Variants in PDE1C observed in about 807,000 individuals in gnomAD.
The protein encoded by PDE1C is phosphodiesterase 1C, also known as dual specificity calcium/calmodulin-dependent 3',5'-cyclic nucleotide phosphodiesterase 1C.
PDE1C carries 62 observed loss-of-function variants against 93.1 expected under a neutral mutation model. That is an observed-to-expected ratio of 0.67 (90% CI 0.54 to 0.82). PDE1C has a LOEUF of 0.82. Among genes scored for constraint, PDE1C ranks in the 40% least tolerant of loss-of-function variants. PDE1C has a pLI of 0.00. For missense variants in PDE1C, 742 were observed against 884.6 expected, an observed-to-expected ratio of 0.84 and a Z score of 2.04; for synonymous variants, 325 against 310.1, an observed-to-expected ratio of 1.05 and a Z score of -0.50.
the PDE1C span, among the ~76,000 whole-genome samples, chr7:31,618,928 C>A: frequency 6.6e-6 from 1 of 152,166 alleles, no homozygotes; most frequent in Non-Finnish European, 1.5e-5. Context: ...AATGGTTTAT[C>A]ATATGTGTCG....
At chr7:32,050,087 A>G (rs1334093411) in intron 2 of PDE1C, among the ~76,000 whole-genome samples, 1 of 152,182 alleles carries the variant, frequency 6.6e-6, no homozygotes, top group East Asian at 1.9e-4. Flanking sequence ...GTATCTAAAC[A>G]TATCTAAACA....
At chr7:32,266,290 A>G (rs930784387) in intron 1 of PDE1C, among the ~76,000 whole-genome samples, 1 of 151,870 alleles carries the variant, frequency 6.6e-6, no homozygotes, top group Non-Finnish European at 1.5e-5. Context: ...TCAAAAAAAA[A>G]AGAAAAGAAA....
chr7:32,254,090 AG>A lies in PDE1C; in HGVS notation c.86-44552del, dbSNP rs560130931. Among the ~76,000 whole-genome samples, 404 of 152,324 alleles carry A rather than the reference AG, an allele frequency of 2.7e-3. 5 individuals carry two copies. The highest frequency in any genetic ancestry group is 8.9e-3 in the African/African-American group (372 of 41,576). ...CATGCACCACTGAAACAATGAAATG[AG>A]GCGATACGGGGCGTATCAGAGGATC... On this transcript the variant is annotated intron_variant, in intron 1 of 18. Transcript: ENST00000396193.
rs70989615 is a variant in PDE1C, at chr7:31,855,069, T to TAAAAA, written c.751-4333_751-4329dup. Reference sequence around the variant, plus strand: ...GTGACAGAGCGAGACTCCCTCTGTCTAAAAAAAAAAAAAAAAAAAAAACTT... The same window carrying TAAAAA: ...GTGACAGAGCGAGACTCCCTCTGTCTAAAAAAAAAAAAAAAAAAAAAAAAAAACTT... On this transcript the variant is annotated intron_variant, in intron 7 of 17. Coordinates refer to ENST00000396191, the MANE Select transcript of PDE1C (RefSeq NM_001191057.4). 4.7e-3 allele frequency among the ~76,000 whole-genome samples: 502 copies of TAAAAA among 107,016 alleles called. 8 individuals carry two copies. The highest frequency in any genetic ancestry group is 9.9e-3 in the Middle Eastern group (2 of 202). 70.2% of individuals were successfully genotyped at this position (107,016 alleles called of 152,430 possible). A position where few individuals can be genotyped will look rare whatever the true frequency, so the allele number is the denominator to read the frequency against.
chr7:32,217,686 G>A (rs1306329187), intron 1 of PDE1C, among the ~76,000 whole-genome samples: 1 of 152,182 alleles, frequency 6.6e-6, no homozygotes, highest in African/African-American at 2.4e-5. Flanking sequence ...ATGGGTAAAT[G>A]GGAAAACCCA....
At chr7:31,699,553 T>G in the PDE1C span, among the ~76,000 whole-genome samples, 1 of 152,202 alleles carries the variant, frequency 6.6e-6, no homozygotes, top group Non-Finnish European at 1.5e-5. Context: ...TGGTGATATT[T>G]CCATACTAGA....
intron 3 of PDE1C, among the ~76,000 whole-genome samples, chr7:32,110,916 G>C (rs1798603809): frequency 1.3e-5 from 2 of 152,074 alleles, no homozygotes; most frequent in African/African-American, 4.8e-5. Context: ...ATCTCACATT[G>C]AACATACTTT....
intron 1 of PDE1C, among the ~76,000 whole-genome samples, chr7:32,295,576 G>A (rs575245578): frequency 6.6e-6 from 1 of 152,272 alleles, no homozygotes; most frequent in Non-Finnish European, 1.5e-5. Context: ...AAGCAATTAA[G>A]CTACTAGAAG....
intron 2 of PDE1C, among the ~76,000 whole-genome samples, chr7:31,901,680 A>C (rs914345347): frequency 6.6e-6 from 1 of 151,416 alleles, no homozygotes; most frequent in Non-Finnish European, 1.5e-5. Flanking sequence ...GGAATTCAAA[A>C]GAGAAGTAAT....
chr7:32,225,193 A>T (rs1451495998), intron 1 of PDE1C, among the ~76,000 whole-genome samples: 1 of 152,176 alleles, frequency 6.6e-6, no homozygotes, highest in East Asian at 1.9e-4. Flanking sequence ...CCTCTAAGAC[A>T]CTGAATGACG....
chr7:31,625,964 TAATA>T, the PDE1C span, among the ~76,000 whole-genome samples: 2 of 152,208 alleles, frequency 1.3e-5, no homozygotes, highest in Admixed American at 6.5e-5. Flanking sequence ...AATTTGGTGA[TAATA>T]AATATCTTCA....
intron 3 of PDE1C, among the ~76,000 whole-genome samples, chr7:32,101,934 T>G (rs1188775278): frequency 6.6e-6 from 1 of 151,600 alleles, no homozygotes; most frequent in Non-Finnish European, 1.5e-5. Flanking sequence ...ATAGAGTGAG[T>G]GAGGGAATAG....
At chr7:32,395,401 T>C (rs1340590691) in intron 1 of PDE1C, among the ~76,000 whole-genome samples, 3 of 151,876 alleles carry the variant, frequency 2.0e-5, no homozygotes. Flanking sequence ...AAACTACAGA[T>C]AGAGGCATCA....
intron 2 of PDE1C, among the ~76,000 whole-genome samples, chr7:31,952,340 C>G (rs781141427): frequency 6.6e-6 from 1 of 151,970 alleles, no homozygotes; most frequent in African/African-American, 2.4e-5. Context: ...ACCTCTGTCT[C>G]CTGGGTTCAA....
chr7:31,779,037 AT>A (rs1478314921), intron 16 of PDE1C, among the ~76,000 whole-genome samples: 1 of 152,170 alleles, frequency 6.6e-6, no homozygotes, highest in Non-Finnish European at 1.5e-5. Flanking sequence ...TGGGACAATT[AT>A]TTTAACAAAA....
At chr7:31,745,827 A>G in the PDE1C span, among the ~76,000 whole-genome samples, 1 of 152,176 alleles carries the variant, frequency 6.6e-6, no homozygotes, top group Non-Finnish European at 1.5e-5. Flanking sequence ...TATTTATTGA[A>G]CAGAATTGTC....
At chr7:31,992,037 G>A (rs12701168) in intron 2 of PDE1C, among the ~76,000 whole-genome samples, 67,728 of 152,088 alleles carry the variant, frequency 0.45, 15,199 homozygotes, top group South Asian at 0.52. Flanking sequence ...TTCTGTTTCC[G>A]TGAGCTGATC....
chr7:31,821,935 C>T (rs1789021588), intron 14 of PDE1C, among the ~76,000 whole-genome samples: 1 of 152,066 alleles, frequency 6.6e-6, no homozygotes, highest in Non-Finnish European at 1.5e-5. Context: ...GGTATACTGA[C>T]ACCAGGAGGG....
chr7:31,956,238 C>T (rs1200838232), intron 2 of PDE1C, among the ~76,000 whole-genome samples: 3 of 152,162 alleles, frequency 2.0e-5, no homozygotes, highest in African/African-American at 4.8e-5. Context: ...GGACTACAGG[C>T]GTGCACCACC....
Sources: allele counts gnomAD v4.1 joint callset (sites outside exome capture counted in the v4.1 genomes callset), GRCh38; gene constraint gnomAD v4.1.1; transcripts MANE v1.5; gene names NCBI Gene and HGNC (gene_info 2026-07-23, HGNC 2026-07-21).